Variants in SLCO6A1 observed in about 807,000 individuals in gnomAD.
SLCO6A1 encodes solute carrier organic anion transporter family member 6A1, also known as cancer/testis antigen 48.
Under a neutral mutation model 72.7 loss-of-function variants are expected in SLCO6A1, and 65 were observed. The ratio of observed to expected loss-of-function variants is 0.89; its 90% CI spans 0.73 to 1.10. The LOEUF is 1.10. Ranked by LOEUF, SLCO6A1 falls within the 50% of genes least tolerant of loss-of-function variation. The probability of loss-of-function intolerance (pLI) is 0.00; values close to 1 mark genes in which losing one functional copy is unlikely to be tolerated. For synonymous variants in SLCO6A1, 314 were observed against 298.2 expected (o/e 1.05, Z -0.55); for missense variants, 874 against 872.6 (o/e 1.00, Z -0.02).
At chr5:102,492,683 C>T (rs1334493427) in intron 1 of SLCO6A1, among the ~76,000 whole-genome samples, 2 of 152,176 alleles carry the variant, frequency 1.3e-5, no homozygotes, top group East Asian at 1.9e-4. Context: ...AGGTCACTCC[C>T]ACCCTAATAC....
chr5:102,436,600 G>A (rs988584026), intron 7 of SLCO6A1, among the ~76,000 whole-genome samples: 23 of 152,226 alleles, frequency 1.5e-4, no homozygotes, highest in African/African-American at 5.5e-4. Flanking sequence ...AGCAAGCTGT[G>A]GCATACTCTC....
At chr5:102,438,542 A>G (rs986401588) in intron 7 of SLCO6A1, 75 bp downstream of exon 7, 1 of 1,169,708 alleles carries the variant, frequency 8.5e-7, no homozygotes, top group African/African-American at 1.6e-5. Context: ...ATTTTTATTT[A>G]TTTCAAGTAT....
At chr5:102,453,478 CT>C (rs1750541740) in intron 6 of SLCO6A1, among the ~76,000 whole-genome samples, 1 of 152,072 alleles carries the variant, frequency 6.6e-6, no homozygotes. Flanking sequence ...TTTGTACTGA[CT>C]TTTTCTTTAT....
At chr5:102,388,915 G>T (rs1193997584) in intron 11 of SLCO6A1, 90 bp from the exon 12 acceptor site, 2 of 1,127,260 alleles carry the variant, frequency 1.8e-6, no homozygotes, top group African/African-American at 1.6e-5. Flanking sequence ...TATGAATGAC[G>T]ACTCATCATT....
intron 7 of SLCO6A1, among the ~76,000 whole-genome samples, chr5:102,427,843 TAC>T (rs376311382): frequency 0.28 from 21,826 of 79,176 alleles, 2,621 homozygotes; most frequent in African/African-American, 0.38. Flanking sequence ...TGTGTATGTA[TAC>T]ATATATATAT....
At chr5:102,389,589 C>A (rs528618545) in intron 11 of SLCO6A1, among the ~76,000 whole-genome samples, 3 of 151,842 alleles carry the variant, frequency 2.0e-5, no homozygotes, top group East Asian at 1.9e-4. Flanking sequence ...TGCCAATGTG[C>A]ATTATCTAGA....
intron 1 of SLCO6A1, among the ~76,000 whole-genome samples, chr5:102,495,245 G>A (rs1462141559): frequency 3.3e-5 from 5 of 152,174 alleles, no homozygotes; most frequent in Non-Finnish European, 7.4e-5. Context: ...GTAGGAGCAG[G>A]AAGTGACTGC....
intron 1 of SLCO6A1, among the ~76,000 whole-genome samples, chr5:102,481,971 C>T (rs73776943): frequency 0.026 from 4,026 of 152,248 alleles, 64 homozygotes; most frequent in South Asian, 0.045. Flanking sequence ...GGAGCCACAA[C>T]TAGTTTCAGC....
chr5:102,391,077 C>T, intron 10 of SLCO6A1, 32 bp from the exon 11 acceptor site: 8 of 1,578,828 alleles, frequency 5.1e-6, no homozygotes, highest in Non-Finnish European at 7.0e-6. Flanking sequence ...ATAATCAGCA[C>T]ATCATTGTTA....
intron 1 of SLCO6A1, among the ~76,000 whole-genome samples, chr5:102,483,645 G>T (rs1295397330): frequency 1.3e-5 from 2 of 152,158 alleles, no homozygotes; most frequent in Non-Finnish European, 2.9e-5. Context: ...CAGCAATGGG[G>T]TATGGGATCG....
At chr5:102,493,330 C>A (rs1458396565) in intron 1 of SLCO6A1, among the ~76,000 whole-genome samples, 1 of 152,056 alleles carries the variant, frequency 6.6e-6, no homozygotes, top group East Asian at 1.9e-4. Flanking sequence ...CCTAGGAATG[C>A]AAGGTTTGTC....
chr5:102,433,021 A>G (rs1295101339), intron 7 of SLCO6A1, among the ~76,000 whole-genome samples: 4 of 152,074 alleles, frequency 2.6e-5, no homozygotes, highest in Non-Finnish European at 5.9e-5. Flanking sequence ...CAGAAACCCA[A>G]TCTTCAAGCT....
intron 12 of SLCO6A1, among the ~76,000 whole-genome samples, chr5:102,383,136 A>G (rs1370433150): frequency 4.7e-5 from 6 of 126,704 alleles, no homozygotes; most frequent in African/African-American, 8.4e-5. Flanking sequence ...AAATAATGTC[A>G]TTTGCAAAGA....
At chr5:102,396,915 C>CA (rs1747115875) in intron 10 of SLCO6A1, among the ~76,000 whole-genome samples, 1 of 152,124 alleles carries the variant, frequency 6.6e-6, no homozygotes, top group Admixed American at 6.5e-5. Flanking sequence ...TCTTACAGAG[C>CA]CATGAATGCT....
chr5:102,449,391 G>T (rs927216076), intron 6 of SLCO6A1, among the ~76,000 whole-genome samples: 1 of 92,964 alleles, frequency 1.1e-5, no homozygotes, highest in Non-Finnish European at 2.3e-5. Flanking sequence ...TGAATTTCCT[G>T]ATTTTTTTTT....
intron 1 of SLCO6A1, among the ~76,000 whole-genome samples, chr5:102,497,268 T>C (rs529834570): frequency 1.6e-4 from 25 of 152,360 alleles, no homozygotes; most frequent in Middle Eastern, 3.4e-3. Context: ...TTAGATTCTC[T>C]TGTATAAATT....
rs57983218 is a variant in SLCO6A1, at chr5:102,385,826, CTT to C, written c.2017+2860_2017+2861del. ...AGTCTCCATTTTTCTCCTGTTTTTC[CTT>C]TTTTTTTTTTTTTTTTTAATTGAGA... On this transcript the variant is annotated intron_variant, in intron 12 of 13. Coordinates refer to ENST00000506729, the MANE Select transcript of SLCO6A1 (RefSeq NM_173488.5). Among the ~76,000 whole-genome samples the C allele has an allele frequency of 3.6e-3, 440 of 121,190 alleles. 1 individual carries two copies. Among genetic ancestry groups the C allele is most frequent in the Non-Finnish European group, 4.5e-3 (270 of 59,348 alleles). The allele number at this position is 121,190 out of a possible 152,430, so 79.5% of individuals were successfully genotyped here. A position where few individuals can be genotyped will look rare whatever the true frequency, so the allele number is the denominator to read the frequency against.
At chr5:102,420,046 C>A in intron 7 of SLCO6A1, 25 bp from the exon 8 acceptor site, 1 of 1,536,186 alleles carries the variant, frequency 6.5e-7, no homozygotes, top group South Asian at 1.3e-5. Flanking sequence ...GAGAAAAACA[C>A]AGTTAAAAAT....
At chr5:102,373,551 G>C in intron 12 of SLCO6A1, 57 bp from the exon 13 acceptor site, 1 of 1,227,426 alleles carries the variant, frequency 8.1e-7, no homozygotes, top group South Asian at 2.7e-5. Flanking sequence ...CAAAAATGTA[G>C]GCAAAAATGC....
Sources: allele counts gnomAD v4.1 joint callset (sites outside exome capture counted in the v4.1 genomes callset), GRCh38; gene constraint gnomAD v4.1.1; transcripts MANE v1.5; gene names NCBI Gene and HGNC (gene_info 2026-07-23, HGNC 2026-07-21).